Variants in SMCHD1 observed in about 807,000 individuals in gnomAD.
SMCHD1 encodes structural maintenance of chromosomes flexible hinge domain containing 1.
In SMCHD1, 78 loss-of-function variants were observed where a neutral mutation model predicts 254.7. The ratio of observed to expected loss-of-function variants is 0.31; its 90% CI spans 0.26 to 0.37. The LOEUF is 0.37. Among genes scored for constraint, SMCHD1 ranks in the 10% least tolerant of loss-of-function variants. SMCHD1 has a pLI of 1.00. For missense variants in SMCHD1, 1,840 were observed against 2,408.1 expected (o/e 0.76, Z 4.94); for synonymous variants, 766 against 794.9 (o/e 0.96, Z 0.61).
Position 2,795,974 on chromosome 18 carries a change from T to C in SMCHD1, c.5745T>C (p.Ala1915=), listed in dbSNP as rs1243794840. 6.3e-7 allele frequency: 1 copy of C among 1,596,702 alleles called. No homozygotes were observed. The highest frequency in any genetic ancestry group is 8.5e-7 in the Non-Finnish European group (1 of 1,171,290). The change falls in exon 46 of 48, where the codon GCT becomes GCC. Residue 1915 remains alanine (A), a synonymous_variant. Transcript: ENST00000320876. ...ATCTTCTTCAGCAGTATCGTTCTGCTGTGTGCAAACTAGACAGTGTGAATA... is the reference window on the plus strand; with the variant it reads ...ATCTTCTTCAGCAGTATCGTTCTGCCGTGTGCAAACTAGACAGTGTGAATA... ...QIDLLQQYRS[A]VCKLDSVNKD...
rs149022019 is a variant in SMCHD1, at chr18:2,676,016, C to T, written c.638+1871C>T. ...TGTCTTTTAAGTCCATTATCAGTTC[C>T]TTGACCCACTCTAATTTCTATCAAT... On this transcript the variant is annotated intron_variant, in intron 5 of 47. Coordinates refer to ENST00000320876, the MANE Select transcript of SMCHD1 (RefSeq NM_015295.3). Among the ~76,000 whole-genome samples, 633 of 152,240 alleles carry T rather than the reference C, an allele frequency of 4.2e-3. 4 individuals are homozygous for T. The highest frequency in any genetic ancestry group is 0.015 in the African/African-American group (609 of 41,524).
intron 30 of SMCHD1, among the ~76,000 whole-genome samples, chr18:2,748,472 C>T (rs2075511139): frequency 7.8e-6 from 1 of 128,794 alleles, no homozygotes; most frequent in African/African-American, 2.9e-5. Context: ...TGGCTCACTG[C>T]AACCTCTGCC....
chr18:2,711,481 C>CTTTTTT (rs752950626), intron 17 of SMCHD1, among the ~76,000 whole-genome samples: 1 of 112,502 alleles, frequency 8.9e-6, no homozygotes, highest in African/African-American at 3.5e-5. Context: ...GGATGTTTGT[C>CTTTTTT]TTTTTTTTTT....
In SMCHD1 at chr18:2,738,484, C is replaced by T; in HGVS notation, c.3364C>T (p.Arg1122Cys). 2 of 1,612,278 alleles carry T rather than the reference C, an allele frequency of 1.2e-6. No individual in the cohort carries two copies. Among genetic ancestry groups the T allele is most frequent in the South Asian group, 1.1e-5 (1 of 90,898 alleles). The part of the protein sequence containing the change: ...VQVPTSVKDM[R>C]YCQVSFQDDH... The stretch of plus-strand genomic sequence containing the variant: ...AGTACCAACATCTGTAAAAGATATG[C>T]GCTATTGCCAGGTTTCATTCCAAGA... Residue 1122 changes from arginine (R) to cysteine (C), a missense_variant, in exon 26 of 48, where the codon CGC (arginine) becomes TGC (cysteine). Arg to Cys is a radical substitution (Grantham distance 180). Transcript: ENST00000320876.
At chr18:2,709,210 GTGTGTATATA>G (rs993650055) in intron 17 of SMCHD1, among the ~76,000 whole-genome samples, 4 of 131,860 alleles carry the variant, frequency 3.0e-5, no homozygotes, top group African/African-American at 8.5e-5. Context: ...ATTCCCTTGT[GTGTGTATATA>G]TGTGTATATG....
rs950930009 is a variant in SMCHD1 at position 2,803,225 on chromosome 18, T to G, written c.*673T>G. On this transcript the variant is annotated 3_prime_UTR_variant, in exon 48 of 48. Transcript: ENST00000320876. ...ATATATATATATATATATAAATATA[T>G]ATATATAAAATATTCAGCAGCACCA... is the stretch of plus-strand genomic sequence containing the variant. 2.7e-5 allele frequency: 4 copies of G among 147,510 alleles called. No individual in the cohort carries two copies. Among genetic ancestry groups the G allele is most frequent in the South Asian group, 2.1e-4 (1 of 4,764 alleles). 9.1% of individuals were successfully genotyped at this position (147,510 alleles called of 1,614,324 possible). A position where few individuals can be genotyped will look rare whatever the true frequency, so the allele number is the denominator to read the frequency against.
At chr18:2,743,711 G>C in intron 28 of SMCHD1, 50 bp from the exon 29 acceptor site, 1 of 1,389,038 alleles carries the variant, frequency 7.2e-7, no homozygotes. Flanking sequence ...TTGTTTTTCT[G>C]AACACTAAGT....
Position 2,722,542 on chromosome 18 carries a change from T to C in SMCHD1, c.2482T>C (p.Phe828Leu), listed in dbSNP as rs778103153. ...AGAGGGTAAGCCAGAGAAATTTTCA[T>C]TTGGTCTTCTGGATCTTCCTTTTCG... ...VKEGKPEKFS[F>L]GLLDLPFRVG... The change falls in exon 20 of 48, where the codon TTT becomes CTT. Residue 828 changes from phenylalanine (F) to leucine (L), a missense_variant. Phe to Leu is a conservative substitution (Grantham distance 22). Around this residue, in one of 9 missense-constraint regions of SMCHD1, gnomAD observed 59 missense variants for 99.2 expected, o/e 0.59. Transcript: ENST00000320876. 1.2e-6 allele frequency: 2 copies of C among 1,612,768 alleles called. No individual in the cohort carries two copies. Among genetic ancestry groups the C allele is most frequent in the Non-Finnish European group, 1.7e-6 (2 of 1,179,476 alleles).
rs1421827808 is a variant in SMCHD1 at position 2,769,766 on chromosome 18, C to A, written c.4792C>A (p.Pro1598Thr). The A allele has an allele frequency of 1.9e-6, 3 of 1,604,200 alleles. No individual in the cohort carries two copies. Among genetic ancestry groups the A allele is most frequent in the South Asian group, 2.2e-5 (2 of 89,670 alleles). Residue 1598 changes from proline to threonine, a missense_variant, in exon 38 of 48, where the codon CCA becomes ACA. Pro to Thr is a conservative substitution (Grantham distance 38). Coordinates refer to ENST00000320876, the MANE Select transcript of SMCHD1 (RefSeq NM_015295.3). Reference protein sequence around the residue: ...EYFIVFEPRLPLLSRTLEPYI... With the variant: ...EYFIVFEPRLTLLSRTLEPYI... ...TTTTATTGTATTTGAGCCCCGGCTA[C>A]CACTTTTATCAAGAACCTTAGAACC...
chr18:2,738,920 T>C (rs997981985), intron 26 of SMCHD1, among the ~76,000 whole-genome samples: 3 of 145,826 alleles, frequency 2.1e-5, no homozygotes, highest in African/African-American at 7.3e-5. Flanking sequence ...CCAGAGTTAA[T>C]ATGTAGAACT....
intron 5 of SMCHD1, 79 bp downstream of exon 5, chr18:2,674,224 G>A: frequency 7.5e-6 from 9 of 1,200,568 alleles, no homozygotes; most frequent in Middle Eastern, 2.0e-4. Flanking sequence ...GCCTTTGGAT[G>A]CATATGATAC....
intron 25 of SMCHD1, 102 bp from the exon 26 acceptor site, chr18:2,738,295 T>G: frequency 9.2e-7 from 1 of 1,088,284 alleles, no homozygotes; most frequent in Non-Finnish European, 1.3e-6. Context: ...TTCTTGGGGG[T>G]GAAGAAGACG....
intron 25 of SMCHD1, among the ~76,000 whole-genome samples, chr18:2,735,184 A>G (rs1431640577): frequency 6.6e-6 from 1 of 152,188 alleles, no homozygotes; most frequent in African/African-American, 2.4e-5. Flanking sequence ...CAAAATTAAA[A>G]CCGTATGATT....
chr18:2,778,001 ATTC>A lies in SMCHD1; in HGVS notation c.5476+89_5476+91del, dbSNP rs1342468516. The A allele has an allele frequency of 3.7e-6, 4 of 1,073,974 alleles. No homozygotes were observed. In the African/African-American group the frequency reaches 6.4e-5, roughly 17 times the overall value. 66.5% of individuals were successfully genotyped at this position (1,073,974 alleles called of 1,614,324 possible). A position where few individuals can be genotyped will look rare whatever the true frequency, so the allele number is the denominator to read the frequency against. The stretch of plus-strand genomic sequence containing the variant: ...TAAATTACTGATAATGAAAATTTAT[ATTC>A]TTATTTTGCTTATCAGTCATAGTTT... On this transcript the variant is annotated intron_variant, in intron 43 of 47. Coordinates refer to ENST00000320876, the MANE Select transcript of SMCHD1 (RefSeq NM_015295.3).
At chr18:2,768,663 A>G (rs1169694583) in intron 37 of SMCHD1, among the ~76,000 whole-genome samples, 1 of 105,806 alleles carries the variant, frequency 9.5e-6, no homozygotes, top group Non-Finnish European at 2.2e-5. Flanking sequence ...ATAGTATAGT[A>G]TATAGTGTAC....
chr18:2,775,985 C>A (rs2076059554), intron 42 of SMCHD1, 61 bp downstream of exon 42: 1 of 1,340,228 alleles, frequency 7.5e-7, no homozygotes, highest in Admixed American at 3.1e-5. Context: ...TTATCAAAGC[C>A]TTGAATTTAA....
chr18:2,762,409 G>A (rs972712350), intron 36 of SMCHD1, among the ~76,000 whole-genome samples, 173 bp downstream of exon 36: 10 of 151,620 alleles, frequency 6.6e-5, no homozygotes, highest in Admixed American at 2.0e-4. Context: ...AATACAAATA[G>A]AGAATATATA....
rs887707883 is a variant in SMCHD1 at position 2,763,872 on chromosome 18, A to G, written c.4719+83A>G. On this transcript the variant is annotated intron_variant, in intron 37 of 47. Coordinates refer to ENST00000320876, the MANE Select transcript of SMCHD1 (RefSeq NM_015295.3). ...CATATTAAGACACCTTTTCTTTTGT[A>G]TAGCTATGAAGATGTTCTAATCATA... 165 of 1,270,902 alleles carry G rather than the reference A, an allele frequency of 1.3e-4. 1 individual carries two copies. Among genetic ancestry groups the G allele is most frequent in the Admixed American group, 4.9e-5 (2 of 40,512 alleles). 78.7% of individuals were successfully genotyped at this position (1,270,902 alleles called of 1,614,324 possible).
At chr18:2,658,461 A>G (rs562674478) in intron 1 of SMCHD1, among the ~76,000 whole-genome samples, 6 of 152,300 alleles carry the variant, frequency 3.9e-5, no homozygotes, top group Admixed American at 1.3e-4. Flanking sequence ...GAACAGATGT[A>G]TTTATTCCTT....
Sources: allele counts gnomAD v4.1 joint callset (sites outside exome capture counted in the v4.1 genomes callset), GRCh38; gene constraint gnomAD v4.1.1; regional missense constraint gnomAD v4.1.1; transcripts MANE v1.5; gene names NCBI Gene and HGNC (gene_info 2026-07-23, HGNC 2026-07-21).